Variants in LPCAT3 observed in about 807,000 individuals in gnomAD.
The protein encoded by LPCAT3 is lysophosphatidylcholine acyltransferase 3.
Under a neutral mutation model 63.4 loss-of-function variants are expected in LPCAT3, and 21 were observed. The ratio of observed to expected loss-of-function variants is 0.33; its 90% CI spans 0.23 to 0.48. LPCAT3 has a LOEUF of 0.48. Among genes scored for constraint, LPCAT3 ranks in the 20% least tolerant of loss-of-function variants. LPCAT3 has a pLI of 0.99. For synonymous variants in LPCAT3, 242 were observed against 227.5 expected (o/e 1.06, Z -0.58); for missense variants, 451 against 590.6 (o/e 0.76, Z 2.45).
At chr12:6,993,176 A>T (rs1011595499) in intron 1 of LPCAT3, among the ~76,000 whole-genome samples, 3 of 152,096 alleles carry the variant, frequency 2.0e-5, no homozygotes, top group Non-Finnish European at 2.9e-5. Flanking sequence ...ATGGTGGCTT[A>T]TGCCTGTAAT....
rs189826701 is a variant in LPCAT3 at position 6,989,459 on chromosome 12, C to T, written c.152-5920G>A. Among the ~76,000 whole-genome samples the T allele has an allele frequency of 1.9e-3, 284 of 151,982 alleles. 1 individual carries two copies. Among genetic ancestry groups the T allele is most frequent in the African/African-American group, 5.8e-3 (239 of 41,430 alleles). On this transcript the variant is annotated intron_variant, in intron 1 of 12. Coordinates refer to ENST00000261407, the MANE Select transcript of LPCAT3 (RefSeq NM_005768.6). ...CCGAGTAGCTGGGACTACAGGCGCC[C>T]GCCATCACGCCCAGCTAATTTTTTG... is the stretch of plus-strand genomic sequence containing the variant.
intron 1 of LPCAT3, among the ~76,000 whole-genome samples, chr12:7,000,986 T>C (rs12826008): frequency 6.6e-6 from 1 of 152,068 alleles, no homozygotes; most frequent in East Asian, 1.9e-4. Context: ...GGATTATAGG[T>C]GTGAGCCACT....
rs1175414885 is a variant in LPCAT3, at chr12:6,977,513, T to A, written c.1201A>T (p.Ile401Phe). 3 of 1,614,058 alleles carry A rather than the reference T, an allele frequency of 1.9e-6. No homozygotes were observed. Among genetic ancestry groups the A allele is most frequent in the Non-Finnish European group, 2.5e-6 (3 of 1,180,044 alleles). The change falls in exon 11 of 13, where the codon ATT becomes TTT. Residue 401 changes from isoleucine to phenylalanine, a missense_variant. Around this residue, in one of 3 missense-constraint regions of LPCAT3, gnomAD observed 304 missense variants for 390.8 expected, o/e 0.78. Coordinates refer to ENST00000261407, the MANE Select transcript of LPCAT3 (RefSeq NM_005768.6). The surrounding 1 kb of genome is among the most constrained non-coding windows in gnomAD (Gnocchi z 4.5). ...VIVERQAARL[I>F]QESPTLSKLA... The stretch of plus-strand genomic sequence containing the variant: ...TTGCTCAGGGTGGGGCTCTCTTGAA[T>A]GAGCCTGGCAGCCTGGGGAGGGAGG...
chr12:7,012,070 T>A (rs1555157276), intron 1 of LPCAT3, among the ~76,000 whole-genome samples: 1 of 152,226 alleles, frequency 6.6e-6, no homozygotes, highest in Non-Finnish European at 1.5e-5. Flanking sequence ...ACTTTAGTGA[T>A]GCTAATTCTG....
intron 1 of LPCAT3, among the ~76,000 whole-genome samples, chr12:7,013,327 G>C (rs1946777880): frequency 6.6e-6 from 1 of 152,200 alleles, no homozygotes; most frequent in Admixed American, 6.5e-5. Flanking sequence ...CAGCAGGCAG[G>C]GGCTTACCAG....
At position 6,977,727 on chromosome 12, in the gene LPCAT3, G is replaced by C; in HGVS notation, c.1059C>G (p.Leu353=). The C allele has an allele frequency of 2.5e-6, 4 of 1,614,154 alleles. No individual in the cohort carries two copies. The African/African-American group carries it at 4.0e-5, about 16-fold the overall frequency. The change falls in exon 10 of 13, where the codon CTC becomes CTG. Residue 353 remains leucine (L), a synonymous_variant. Transcript: ENST00000261407. The surrounding 1 kb of genome is among the most constrained non-coding windows in gnomAD (Gnocchi z 4.5). ...AWVARYIFKR[L]KFLGNKELSQ... is the part of the protein sequence containing the mutation. ...AGAGTTCTTTATTTCCAAGGAACTT[G>C]AGTCGTTTGAAGATGTAGCTGGAGA...
At chr12:6,989,109 C>CG (rs1555155150) in intron 1 of LPCAT3, among the ~76,000 whole-genome samples, 1 of 149,934 alleles carries the variant, frequency 6.7e-6, no homozygotes, top group African/African-American at 2.5e-5. Flanking sequence ...GCAACAAGAG[C>CG]GAAACTCCAT....
chr12:6,979,884 C>A, intron 6 of LPCAT3: 1 of 326,540 alleles, frequency 3.1e-6, no homozygotes, highest in Non-Finnish European at 5.6e-6. Flanking sequence ...TCACAATCTC[C>A]ATTGGGACTG....
intron 1 of LPCAT3, among the ~76,000 whole-genome samples, chr12:6,990,524 A>T (rs1483223983): frequency 7.6e-6 from 1 of 131,044 alleles, no homozygotes; most frequent in Non-Finnish European, 1.6e-5. Context: ...GAAAATTAAA[A>T]TAAAATAAAT....
chr12:7,014,084 G>A (rs1555157413), intron 1 of LPCAT3, among the ~76,000 whole-genome samples: 1 of 152,196 alleles, frequency 6.6e-6, no homozygotes, highest in African/African-American at 2.4e-5. Context: ...ATCTCAGCAT[G>A]CTGAAACCTT....
chr12:6,986,602 G>T (rs1399466065), intron 1 of LPCAT3, among the ~76,000 whole-genome samples: 7 of 151,848 alleles, frequency 4.6e-5, no homozygotes, highest in African/African-American at 1.7e-4. Context: ...GGCTAACATG[G>T]TGAAATTCCG....
In LPCAT3 at chr12:6,981,957, C is replaced by T. The variant is rs1946476033; in HGVS notation, c.367-53G>A. On this transcript the variant is annotated intron_variant, in intron 3 of 12. Coordinates refer to ENST00000261407, the MANE Select transcript of LPCAT3 (RefSeq NM_005768.6). The stretch of plus-strand genomic sequence containing the variant: ...GCATCACTACTATTTCTTCTCCTTG[C>T]TCTGAAATTCAATGTTCTCTTTCCT... The T allele has an allele frequency of 2.1e-5, 19 of 924,990 alleles. 1 individual carries two copies. The South Asian group carries it at 2.5e-4, about 12-fold the overall frequency. 57.3% of individuals were successfully genotyped at this position (924,990 alleles called of 1,614,324 possible).
chr12:6,979,592 GA>G lies in LPCAT3; in HGVS notation c.678-14del. 6.4e-7 allele frequency: 1 copy of G among 1,555,068 alleles called. No individual in the cohort carries two copies. The highest frequency in any genetic ancestry group is 8.9e-7 in the Non-Finnish European group (1 of 1,126,222). ...AGCAGGAATGATGCTGGAAAGGAAC[GA>G]GTGAAGTTCCTGGTCACAGAGAGCA... On this transcript the variant is annotated splice_polypyrimidine_tract_variant and intron_variant, in intron 6 of 12. Transcript: ENST00000261407.
At position 7,018,261 on chromosome 12, in the gene LPCAT3, G is replaced by A. The variant is rs1254844450; in HGVS notation, c.151+13C>T. On this transcript the variant is annotated intron_variant, in intron 1 of 12. Transcript: ENST00000261407. The surrounding 1 kb of genome is among the most constrained non-coding windows in gnomAD (Gnocchi z 4.9). ...ACTCCGCGAGGGGCGGAGGGAGGCA[G>A]GAGGGTCCTTACCCAGGAAGATGGA... 6 of 1,590,760 alleles carry A rather than the reference G, an allele frequency of 3.8e-6. No individual in the cohort carries two copies. Among genetic ancestry groups the A allele is most frequent in the Non-Finnish European group, 5.1e-6 (6 of 1,168,976 alleles).
intron 1 of LPCAT3, among the ~76,000 whole-genome samples, chr12:7,003,465 C>T (rs181309596): frequency 4.2e-4 from 63 of 151,652 alleles, no homozygotes; most frequent in Non-Finnish European, 3.1e-4. Context: ...TCAATGTTCA[C>T]TTATTTATTT....
At chr12:6,997,528 C>T (rs1055245318) in intron 1 of LPCAT3, 2 of 153,812 alleles carry the variant, frequency 1.3e-5, no homozygotes, top group African/African-American at 4.8e-5. Context: ...ATTCTCCTGC[C>T]TCAGCCTCCC....
Position 6,983,461 on chromosome 12 carries a change from G to A in LPCAT3, c.230C>T (p.Thr77Ile). ...GTTAAAATAAGCAATTGAGAGGCCT[G>A]TAAAGGTATGGAAGAGGTGGATGAG... ...TYLIHLFHTF[T>I]GLSIAYFNFG... The change falls in exon 2 of 13, where the codon ACA (threonine) becomes ATA (isoleucine). Residue 77 changes from threonine (T) to isoleucine (I), a missense_variant. Around this residue, in one of 3 missense-constraint regions of LPCAT3, gnomAD observed 133 missense variants for 152.1 expected, o/e 0.87. Transcript: ENST00000261407. 1 of 1,611,592 alleles carries A rather than the reference G, an allele frequency of 6.2e-7. No homozygotes were observed. The highest frequency in any genetic ancestry group is 8.5e-7 in the Non-Finnish European group (1 of 1,177,998).
chr12:6,994,352 T>C (rs1946617212), intron 1 of LPCAT3, among the ~76,000 whole-genome samples: 1 of 152,032 alleles, frequency 6.6e-6, no homozygotes, highest in Non-Finnish European at 1.5e-5. Context: ...GGATTACAGG[T>C]GTGCACCACC....
intron 1 of LPCAT3, among the ~76,000 whole-genome samples, chr12:7,001,940 TG>T: frequency 6.6e-6 from 1 of 151,962 alleles, no homozygotes; most frequent in Middle Eastern, 3.4e-3. Context: ...GAGTGAGATG[TG>T]GGAGTCGGGG....
Sources: allele counts gnomAD v4.1 joint callset (sites outside exome capture counted in the v4.1 genomes callset), GRCh38; gene constraint gnomAD v4.1.1; regional missense constraint gnomAD v4.1.1; non-coding constraint Gnocchi (gnomAD v3.1); transcripts MANE v1.5; gene names NCBI Gene and HGNC (gene_info 2026-07-23, HGNC 2026-07-21).